SPINK5: variants seen among roughly 807,000 people sequenced by gnomAD.
The protein encoded by SPINK5 is serine peptidase inhibitor Kazal type 5.
A neutral mutation model predicts 151.8 loss-of-function variants in SPINK5; 125 were observed. The observed-to-expected ratio is 0.82, with a 90% CI of 0.71 to 0.96. The LOEUF (loss-of-function observed/expected upper bound fraction) is 0.96, where lower values mean the gene tolerates loss of function less well. SPINK5 is among the 40% of genes least tolerant of loss of function. The pLI, the probability that SPINK5 is intolerant of heterozygous loss-of-function variation, is 0.00. For synonymous variants in SPINK5, 374 were observed against 395.3 expected, an observed-to-expected ratio of 0.95 and a Z score of 0.64; for missense variants, 1,194 against 1,291.9, an observed-to-expected ratio of 0.92 and a Z score of 1.16.
At chr5:148,114,546 C>T in intron 21 of SPINK5, 57 bp downstream of exon 21, 2 of 1,606,688 alleles carry the variant, frequency 1.2e-6, no homozygotes, top group Non-Finnish European at 1.7e-6. Flanking sequence ...AAGCAATGAG[C>T]CAGGCAAATA....
chr5:148,067,744 G>A (rs1036035715), intron 2 of SPINK5, among the ~76,000 whole-genome samples: 2 of 152,126 alleles, frequency 1.3e-5, no homozygotes, highest in Non-Finnish European at 2.9e-5. Context: ...TATTGGAGAA[G>A]TCCAATTTAG....
intron 23 of SPINK5, 90 bp downstream of exon 23, chr5:148,118,654 T>A: frequency 6.6e-7 from 1 of 1,520,568 alleles, no homozygotes; most frequent in Non-Finnish European, 9.1e-7. Context: ...GCTCCTTCCA[T>A]GCAAATTATT....
chr5:148,076,750 T>C (rs918622355), intron 4 of SPINK5, among the ~76,000 whole-genome samples: 2 of 151,692 alleles, frequency 1.3e-5, no homozygotes, highest in Non-Finnish European at 3.0e-5. Flanking sequence ...ATAAAAACTT[T>C]CAATGAAAAG....
At chr5:148,122,641 C>G (rs1230477247) in intron 26 of SPINK5, among the ~76,000 whole-genome samples, 1 of 152,100 alleles carries the variant, frequency 6.6e-6, no homozygotes, top group African/African-American at 2.4e-5. Context: ...TACTTATCCA[C>G]ACATAGGAGT....
intron 26 of SPINK5, among the ~76,000 whole-genome samples, chr5:148,121,478 G>A (rs1218835544): frequency 6.6e-6 from 1 of 151,976 alleles, no homozygotes; most frequent in Non-Finnish European, 1.5e-5. Flanking sequence ...AATATCTGTT[G>A]TGTGTTACGG....
chr5:148,088,006 A>G (rs887465293), intron 5 of SPINK5, among the ~76,000 whole-genome samples: 1 of 151,696 alleles, frequency 6.6e-6, no homozygotes, highest in African/African-American at 2.4e-5. Flanking sequence ...CTTTTTACAA[A>G]TTAGGAAATA....
intron 4 of SPINK5, among the ~76,000 whole-genome samples, chr5:148,076,270 A>T (rs1306593569): frequency 6.6e-6 from 1 of 151,724 alleles, no homozygotes; most frequent in Non-Finnish European, 1.5e-5. Flanking sequence ...TAGGGGAAAA[A>T]CATAGGAAGC....
At chr5:148,101,929 A>G in intron 15 of SPINK5, 21 bp downstream of exon 15, 1 of 1,613,186 alleles carries the variant, frequency 6.2e-7, no homozygotes, top group East Asian at 2.2e-5. Flanking sequence ...CAGTAGCCCC[A>G]TAGCGTCTGA....
At chr5:148,120,758 G>A (rs1345275764) in intron 26 of SPINK5, among the ~76,000 whole-genome samples, 5 of 152,098 alleles carry the variant, frequency 3.3e-5, no homozygotes, top group African/African-American at 4.8e-5. Context: ...GGGATTACAT[G>A]AGCCATCGCA....
At chr5:148,118,702 T>C (rs2113187607) in intron 23 of SPINK5, 138 bp downstream of exon 23, 2 of 1,299,618 alleles carry the variant, frequency 1.5e-6, no homozygotes, top group East Asian at 2.5e-5. Context: ...TTTTTTCTCT[T>C]GCGTTCTCTA....
chr5:148,136,989 T>A lies in SPINK5; in HGVS notation c.3193T>A (p.Ter1065ArgextTer5). 1 of 1,613,726 alleles carries A rather than the reference T, an allele frequency of 6.2e-7. No homozygotes were observed. Among genetic ancestry groups the A allele is most frequent in the Non-Finnish European group, 8.5e-7 (1 of 1,179,694 alleles). The stretch of plus-strand genomic sequence containing the variant: ...TACCCATCTTCTCTTCTAGGACGAA[T>A]GACAGGAAGATTGTTGAAAGCCATG... ...TAASMPPSDE[*>R] The change falls in exon 33 of 33, where the codon TGA becomes AGA. Residue 1065 changes from the stop codon to arginine, a stop_lost. Coordinates refer to ENST00000256084, the MANE Select transcript of SPINK5 (RefSeq NM_006846.4).
At chr5:148,126,432 T>G in intron 29 of SPINK5, among the ~76,000 whole-genome samples, 1 of 152,162 alleles carries the variant, frequency 6.6e-6, no homozygotes. Flanking sequence ...TACTCCCATT[T>G]TATGTTCTAG....
chr5:148,132,335 C>T (rs552927452), intron 31 of SPINK5, among the ~76,000 whole-genome samples: 3 of 152,140 alleles, frequency 2.0e-5, no homozygotes, highest in East Asian at 3.9e-4. Context: ...ATAAGCAAGG[C>T]CCAGAACATG....
Position 148,120,377 on chromosome 5 carries a change from A to G in SPINK5, c.2524A>G (p.Ser842Gly). The part of the protein sequence containing the change: ...TGERSNTGER[S>G]NDKEDLCREF... ...AGAAAGGAGCAATACAGGAGAAAGG[A>G]GCAATGACAAAGAGGTAATAGATGT... The change falls in exon 26 of 33, where the codon AGC (serine) becomes GGC (glycine). Residue 842 changes from serine to glycine, a missense_variant. By Grantham distance (56) the Ser-to-Gly change is moderately conservative. Transcript: ENST00000256084. The G allele has an allele frequency of 6.2e-7, 1 of 1,600,192 alleles. No individual in the cohort carries two copies. The highest frequency in any genetic ancestry group is 8.5e-7 in the Non-Finnish European group (1 of 1,172,306).
intron 7 of SPINK5, chr5:148,090,771 C>T (rs1753287605): frequency 1.0e-5 from 2 of 197,614 alleles, no homozygotes; most frequent in East Asian, 1.3e-4. Flanking sequence ...ACCCTTGTCA[C>T]AGCATTATTT....
Position 148,088,585 on chromosome 5 carries a change from A to G in SPINK5, c.454A>G (p.Lys152Glu). Residue 152 changes from lysine (K) to glutamate (E), a missense_variant, in exon 6 of 33, where the codon AAG becomes GAG. Physicochemically the swap from Lys to Glu is moderately conservative, Grantham distance 56. Transcript: ENST00000256084. Reference sequence around the variant, plus strand: ...TGGTGTAAAAAGTGAAGGGGAATGTAAGAGCAGTAATCCAGAGCAGGTGAG... The same window carrying G: ...TGGTGTAAAAAGTGAAGGGGAATGTGAGAGCAGTAATCCAGAGCAGGTGAG... Reference protein sequence around the residue: ...QIGVKSEGECKSSNPEQDVCS... With the variant: ...QIGVKSEGECESSNPEQDVCS... The G allele has an allele frequency of 6.2e-7, 1 of 1,611,754 alleles. No individual in the cohort carries two copies. Among genetic ancestry groups the G allele is most frequent in the Non-Finnish European group, 8.5e-7 (1 of 1,178,552 alleles).
At chr5:148,081,689 C>T (rs190936221) in intron 4 of SPINK5, among the ~76,000 whole-genome samples, 22 of 151,596 alleles carry the variant, frequency 1.5e-4, no homozygotes, top group South Asian at 8.3e-4. Context: ...CAGATTCTGG[C>T]GATGGCTGTA....
chr5:148,129,991 C>A (rs886951118), intron 30 of SPINK5, among the ~76,000 whole-genome samples: 2 of 151,968 alleles, frequency 1.3e-5, no homozygotes, highest in Admixed American at 1.3e-4. Context: ...TGACTCTGGT[C>A]AATTTTGCAA....
chr5:148,104,842 G>A, intron 15 of SPINK5, 110 bp from the exon 16 acceptor site: 2 of 950,708 alleles, frequency 2.1e-6, no homozygotes, highest in South Asian at 1.5e-5. Context: ...GTTGCAGTGA[G>A]CCGAGATCGC....
Sources: gnomAD v4.1 joint callset for allele counts (sites outside exome capture counted in the v4.1 genomes callset) on GRCh38, gnomAD v4.1.1 for gene constraint, MANE v1.5 for transcripts, NCBI Gene and HGNC (gene_info 2026-07-23, HGNC 2026-07-21) for gene names.